GPD2: variants seen among roughly 807,000 people sequenced by gnomAD.
The protein encoded by GPD2 is glycerol-3-phosphate dehydrogenase, mitochondrial.
A neutral mutation model predicts 82.4 loss-of-function variants in GPD2; 54 were observed. The observed-to-expected ratio is 0.66, with a 90% CI of 0.53 to 0.82. GPD2 has a LOEUF of 0.82. Among genes scored for constraint, GPD2 ranks in the 40% least tolerant of loss-of-function variants. GPD2 has a pLI of 0.00. For missense variants in GPD2, 748 were observed against 896.2 expected (o/e 0.83, Z 2.11); for synonymous variants, 288 against 306.1 (o/e 0.94, Z 0.62).
At chr2:156,545,642 A>G (rs1410453728) in intron 6 of GPD2, among the ~76,000 whole-genome samples, 1 of 152,264 alleles carries the variant, frequency 6.6e-6, no homozygotes, top group Non-Finnish European at 1.5e-5. Flanking sequence ...AAAGTATGCT[A>G]TATTGAAAGG....
chr2:156,530,442 C>T (rs576883047), intron 6 of GPD2, among the ~76,000 whole-genome samples: 1 of 151,496 alleles, frequency 6.6e-6, no homozygotes, highest in South Asian at 2.1e-4. Context: ...TGTCTAATTG[C>T]CCTGGCCAGA....
intron 1 of GPD2, among the ~76,000 whole-genome samples, chr2:156,446,214 G>C (rs1270824272): frequency 6.6e-6 from 1 of 151,868 alleles, no homozygotes; most frequent in Admixed American, 6.6e-5. Flanking sequence ...TCCTGCCTCA[G>C]CCTCCCAAGT....
chr2:156,411,917 A>G, the GPD2 span, among the ~76,000 whole-genome samples: 3 of 151,996 alleles, frequency 2.0e-5, no homozygotes, highest in Non-Finnish European at 4.4e-5. Flanking sequence ...TTAGGAATAT[A>G]TGCCTAGCCA....
intron 1 of GPD2, among the ~76,000 whole-genome samples, chr2:156,469,518 A>G (rs1464659784): frequency 6.6e-6 from 1 of 152,092 alleles, no homozygotes; most frequent in Admixed American, 6.6e-5. Context: ...TATGTACCAC[A>G]TTTTTGTTAT....
chr2:156,427,307 C>G, the GPD2 span, among the ~76,000 whole-genome samples: 2 of 152,114 alleles, frequency 1.3e-5, no homozygotes, highest in African/African-American at 4.8e-5. Flanking sequence ...TGCCTCGGAC[C>G]CCACATTTAA....
chr2:156,531,466 A>G (rs1335587032), intron 6 of GPD2, among the ~76,000 whole-genome samples: 2 of 152,224 alleles, frequency 1.3e-5, no homozygotes, highest in Non-Finnish European at 2.9e-5. Flanking sequence ...CCCTGACAGT[A>G]GAGAGTTTCT....
intron 2 of GPD2, among the ~76,000 whole-genome samples, chr2:156,485,978 G>A (rs1301865066): frequency 1.3e-5 from 2 of 152,148 alleles, no homozygotes; most frequent in Non-Finnish European, 1.5e-5. Context: ...ATGGATTCCT[G>A]GAAGAACTGT....
intron 3 of GPD2, among the ~76,000 whole-genome samples, chr2:156,500,715 G>T (rs1239844945): frequency 6.6e-6 from 1 of 152,148 alleles, no homozygotes; most frequent in Non-Finnish European, 1.5e-5. Context: ...TGCAATTTTA[G>T]TAATGGATAA....
intron 6 of GPD2, among the ~76,000 whole-genome samples, chr2:156,535,324 A>AAG (rs143374279): frequency 3.6e-5 from 5 of 139,796 alleles, no homozygotes; most frequent in East Asian, 2.2e-4. Flanking sequence ...AGACCTGGGA[A>AAG]AGAGAGAGAG....
intron 1 of GPD2, among the ~76,000 whole-genome samples, chr2:156,455,437 A>G (rs1033493523): frequency 6.6e-6 from 1 of 152,228 alleles, no homozygotes; most frequent in African/African-American, 2.4e-5. Flanking sequence ...CCTTTGTCTA[A>G]TGACAAAGTC....
chr2:156,428,670 C>A, the GPD2 span, among the ~76,000 whole-genome samples: 2 of 152,170 alleles, frequency 1.3e-5, no homozygotes, highest in Non-Finnish European at 2.9e-5. Context: ...TAATACACTT[C>A]CCATTAAATT....
intron 1 of GPD2, among the ~76,000 whole-genome samples, chr2:156,456,342 A>G (rs969112102): frequency 6.6e-6 from 1 of 152,046 alleles, no homozygotes; most frequent in East Asian, 1.9e-4. Flanking sequence ...GGTGGCTCAC[A>G]TCTATAACCG....
At chr2:156,450,963 A>G (rs1204911264) in intron 1 of GPD2, among the ~76,000 whole-genome samples, 3 of 133,942 alleles carry the variant, frequency 2.2e-5, no homozygotes, top group Non-Finnish European at 3.2e-5. Context: ...CATGTTTCAG[A>G]GAGCACAGGG....
At chr2:156,445,290 T>C (rs886416835) in intron 1 of GPD2, among the ~76,000 whole-genome samples, 6 of 152,200 alleles carry the variant, frequency 3.9e-5, no homozygotes, top group African/African-American at 1.4e-4. Context: ...TTTTCTGGTA[T>C]GGCAGAAACT....
intron 9 of GPD2, 152 bp from the exon 10 acceptor site, chr2:156,568,673 C>T: frequency 1.5e-6 from 1 of 674,486 alleles, no homozygotes; most frequent in Non-Finnish European, 2.7e-6. Flanking sequence ...TGTACCTATC[C>T]ACAAACTTAG....
chr2:156,564,317 T>G (rs1442820770), intron 9 of GPD2, among the ~76,000 whole-genome samples: 2 of 152,286 alleles, frequency 1.3e-5, no homozygotes, highest in East Asian at 3.9e-4. Context: ...GCATGCAGAA[T>G]TTATAGATAT....
At chr2:156,537,336 A>G in intron 6 of GPD2, among the ~76,000 whole-genome samples, 1 of 152,200 alleles carries the variant, frequency 6.6e-6, no homozygotes, top group Non-Finnish European at 1.5e-5. Context: ...AGAAACTAAT[A>G]GAATCTTTCT....
Position 156,512,245 on chromosome 2 carries a change from A to T in GPD2, c.425A>T (p.His142Leu), listed in dbSNP as rs777060448. The change falls in exon 5 of 17, where the codon CAT becomes CTT. Residue 142 changes from histidine (H) to leucine (L), a missense_variant. Physicochemically the swap from His to Leu is moderately conservative, Grantham distance 99. Transcript: ENST00000438166. ...TATAGGATGGTAAAAGAAGCCCTTCATGAGCGTGCCAACCTGCTAGAAATT... is the reference window on the plus strand; with the variant it reads ...TATAGGATGGTAAAAGAAGCCCTTCTTGAGCGTGCCAACCTGCTAGAAATT... ...EQYRMVKEAL[H>L]ERANLLEIAP... The T allele has an allele frequency of 1.9e-6, 3 of 1,596,614 alleles. No homozygotes were observed. The highest frequency in any genetic ancestry group is 2.6e-6 in the Non-Finnish European group (3 of 1,164,088).
At chr2:156,518,234 G>T (rs1558938931) in intron 6 of GPD2, among the ~76,000 whole-genome samples, 1 of 152,218 alleles carries the variant, frequency 6.6e-6, no homozygotes, top group Admixed American at 6.5e-5. Context: ...GGTAAATGTA[G>T]TTCACGGTCC....
Sources: gnomAD v4.1 joint callset for allele counts (sites outside exome capture counted in the v4.1 genomes callset) on GRCh38, gnomAD v4.1.1 for gene constraint, MANE v1.5 for transcripts, NCBI Gene and HGNC (gene_info 2026-07-23, HGNC 2026-07-21) for gene names.